Variants in DENND2A observed in about 807,000 individuals in gnomAD.
The protein encoded by DENND2A is DENN domain containing 2A.
DENND2A carries 53 observed loss-of-function variants against 105.3 expected under a neutral mutation model. That is an observed-to-expected ratio of 0.50 (90% CI 0.40 to 0.63). The LOEUF is 0.63. Ranked by LOEUF, DENND2A falls within the 30% of genes least tolerant of loss-of-function variation. The probability of loss-of-function intolerance (pLI) is 0.00; values close to 1 mark genes in which losing one functional copy is unlikely to be tolerated. For missense variants in DENND2A, 1,138 were observed against 1,279.6 expected (o/e 0.89, Z 1.69); for synonymous variants, 522 against 508.4 (o/e 1.03, Z -0.36).
intron 3 of DENND2A, among the ~76,000 whole-genome samples, chr7:140,590,754 T>C (rs1798983205): frequency 6.6e-6 from 1 of 152,018 alleles, no homozygotes; most frequent in Admixed American, 6.6e-5. Context: ...TGCCTGAAGT[T>C]CCAACTACTT....
intron 11 of DENND2A, among the ~76,000 whole-genome samples, chr7:140,556,978 G>T (rs1008997599): frequency 2.6e-5 from 4 of 151,926 alleles, no homozygotes; most frequent in African/African-American, 9.7e-5. Flanking sequence ...TGAATTATTT[G>T]AGTCTTCTCT....
At chr7:140,557,559 A>G in intron 11 of DENND2A, among the ~76,000 whole-genome samples, 2 of 17,496 alleles carry the variant, frequency 1.1e-4, no homozygotes, top group Non-Finnish European at 1.3e-4. Flanking sequence ...TTTTTTTTTG[A>G]GACGGAGTTT....
At chr7:140,628,823 T>C (rs768184524) in intron 1 of DENND2A, among the ~76,000 whole-genome samples, 4 of 152,182 alleles carry the variant, frequency 2.6e-5, no homozygotes, top group Non-Finnish European at 5.9e-5. Flanking sequence ...ATTACAGGCA[T>C]GAGCCACTGC....
intron 5 of DENND2A, among the ~76,000 whole-genome samples, chr7:140,582,276 T>C (rs1285860454): frequency 1.3e-5 from 2 of 152,062 alleles, no homozygotes; most frequent in African/African-American, 2.4e-5. Context: ...GGGCAGATGT[T>C]TTTCATTGTT....
At chr7:140,595,937 G>A (rs940686026) in intron 3 of DENND2A, among the ~76,000 whole-genome samples, 3 of 152,032 alleles carry the variant, frequency 2.0e-5, no homozygotes, top group Admixed American at 6.6e-5. Flanking sequence ...CCCATGGCTC[G>A]CCATACTCAG....
rs539446349 is a variant in DENND2A, at chr7:140,619,278, TC to T, written c.-247-13473del. Among the ~76,000 whole-genome samples, 10 of 152,326 alleles carry T rather than the reference TC, an allele frequency of 6.6e-5. No individual in the cohort carries two copies. In the East Asian group the frequency reaches 1.2e-3, roughly 18 times the overall value. ...TAGCTATTCAGTGGAATACAGCTAT[TC>T]AATGGAATATTATAATGTAAATTAA... On this transcript the variant is annotated intron_variant, in intron 1 of 19. Coordinates refer to ENST00000496613, the MANE Select transcript of DENND2A (RefSeq NM_015689.5).
chr7:140,557,532 T>TATATATATATATATATATATA (rs71173208), intron 11 of DENND2A, among the ~76,000 whole-genome samples: 3 of 14,290 alleles, frequency 2.1e-4, no homozygotes, highest in Non-Finnish European at 2.9e-4. Flanking sequence ...TATATATATA[T>TATATATATATATATATATATA]TTTTTTTTTT....
intron 1 of DENND2A, among the ~76,000 whole-genome samples, chr7:140,625,897 C>T (rs1800505756): frequency 6.6e-6 from 1 of 152,162 alleles, no homozygotes; most frequent in Admixed American, 6.5e-5. Flanking sequence ...TATGTTTTGA[C>T]ACCTCAAATT....
chr7:140,618,350 T>C (rs1406885106), intron 1 of DENND2A, among the ~76,000 whole-genome samples: 2 of 152,214 alleles, frequency 1.3e-5, no homozygotes, highest in Non-Finnish European at 2.9e-5. Context: ...TTCCAACTTA[T>C]TTCAACTTTC....
At position 140,544,903 on chromosome 7, in the gene DENND2A, C is replaced by A. The variant is rs564550547; in HGVS notation, c.2179-137G>T. 13 of 1,452,750 alleles carry A rather than the reference C, an allele frequency of 8.9e-6. No individual in the cohort carries two copies. In the African/African-American group the frequency reaches 1.9e-4, roughly 21 times the overall value. 90.0% of individuals were successfully genotyped at this position (1,452,750 alleles called of 1,614,324 possible). On this transcript the variant is annotated intron_variant, in intron 13 of 19. Transcript: ENST00000496613. Reference sequence around the variant, plus strand: ...TGGGGGAAAAGGGAAAGAAAAAAAGCAAAACAAAAGGATTGGGGGAAAAGA... The same window carrying A: ...TGGGGGAAAAGGGAAAGAAAAAAAGAAAAACAAAAGGATTGGGGGAAAAGA...
chr7:140,525,856 T>C, intron 15 of DENND2A, 64 bp from the exon 16 acceptor site: 2 of 1,396,894 alleles, frequency 1.4e-6, no homozygotes, highest in Non-Finnish European at 1.9e-6. Flanking sequence ...GATGGACTCA[T>C]AGCCTTCTTC....
intron 7 of DENND2A, 32 bp from the exon 8 acceptor site, chr7:140,568,845 A>G: frequency 3.7e-6 from 6 of 1,608,858 alleles, no homozygotes; most frequent in Non-Finnish European, 5.1e-6. Flanking sequence ...GAAAATTGCA[A>G]ATGTGAGTTC....
chr7:140,634,059 C>T (rs940220646), intron 1 of DENND2A, among the ~76,000 whole-genome samples: 2 of 149,430 alleles, frequency 1.3e-5, no homozygotes, highest in Non-Finnish European at 1.5e-5. Context: ...AGTGCAGTGG[C>T]GCGACCTCGG....
intron 1 of DENND2A, among the ~76,000 whole-genome samples, chr7:140,618,319 G>A (rs1024457864): frequency 6.6e-6 from 1 of 152,128 alleles, no homozygotes; most frequent in South Asian, 2.1e-4. Flanking sequence ...ATTACAGATC[G>A]CCAAACAGGG....
intron 1 of DENND2A, among the ~76,000 whole-genome samples, chr7:140,628,532 CTTTCT>C (rs1800615323): frequency 1.5e-5 from 2 of 136,964 alleles, no homozygotes; most frequent in African/African-American, 5.4e-5. Flanking sequence ...CCTAAAATTT[CTTTCT>C]TTTTTTTTTT....
At chr7:140,562,603 A>G (rs957111315) in intron 9 of DENND2A, among the ~76,000 whole-genome samples, 4 of 152,280 alleles carry the variant, frequency 2.6e-5, no homozygotes, top group South Asian at 2.1e-4. Flanking sequence ...CAGAGCTTGC[A>G]GTGAGCGGAG....
At chr7:140,620,863 C>T (rs771224271) in intron 1 of DENND2A, among the ~76,000 whole-genome samples, 1 of 152,126 alleles carries the variant, frequency 6.6e-6, no homozygotes, top group Non-Finnish European at 1.5e-5. Context: ...GTCCAAAGAG[C>T]GATTATGTGG....
At chr7:140,621,494 C>A (rs1353534429) in intron 1 of DENND2A, among the ~76,000 whole-genome samples, 2 of 150,614 alleles carry the variant, frequency 1.3e-5, no homozygotes, top group African/African-American at 2.4e-5. Flanking sequence ...CTAGGCATAA[C>A]TACATTGTAC....
chr7:140,594,061 C>T lies in DENND2A; in HGVS notation c.996-6281G>A, dbSNP rs1180298258. On this transcript the variant is annotated intron_variant, in intron 3 of 19. Coordinates refer to ENST00000496613, the MANE Select transcript of DENND2A (RefSeq NM_015689.5). ...GCTGGGATTACAGGCACCCACCATC[C>T]ATGCCTGACTAATTTTTTGTATATT... 2.6e-5 allele frequency among the ~76,000 whole-genome samples: 4 copies of T among 151,992 alleles called. No individual in the cohort carries two copies. The East Asian group carries it at 7.7e-4, about 29-fold the overall frequency.
Sources: gnomAD v4.1 joint callset for allele counts (sites outside exome capture counted in the v4.1 genomes callset) on GRCh38, gnomAD v4.1.1 for gene constraint, MANE v1.5 for transcripts, NCBI Gene and HGNC (gene_info 2026-07-23, HGNC 2026-07-21) for gene names.